DZANK1: variants seen among roughly 807,000 people sequenced by gnomAD.
DZANK1 encodes the protein double zinc ribbon and ankyrin repeat domains 1, also known as double zinc ribbon and ankyrin repeat-containing protein 1.
In DZANK1, 91 loss-of-function variants were observed where a neutral mutation model predicts 94.5. The observed-to-expected ratio is 0.96, with a 90% CI of 0.81 to 1.15. The LOEUF (loss-of-function observed/expected upper bound fraction) is 1.15, where lower values mean the gene tolerates loss of function less well. Among genes scored for constraint, DZANK1 ranks in the 50% most tolerant of loss-of-function variants. DZANK1 has a pLI of 0.00. For missense variants in DZANK1, 903 were observed against 916.4 expected (o/e 0.99, Z 0.19); for synonymous variants, 312 against 325.3 (o/e 0.96, Z 0.44).
At chr20:18,437,423 A>T (rs1440496977) in intron 8 of DZANK1, among the ~76,000 whole-genome samples, 1 of 152,088 alleles carries the variant, frequency 6.6e-6, no homozygotes, top group Non-Finnish European at 1.5e-5. Flanking sequence ...TATGAAAAAT[A>T]CAAAAATTAG....
At position 18,414,604 on chromosome 20, in the gene DZANK1, C is replaced by A. The variant is rs569664368; in HGVS notation, c.1078-92G>T. ...CCATACAAATTAACATATGCCCAGACTCTCTGACCCAGCCATTCTACCTTC... is the reference window on the plus strand; with the variant it reads ...CCATACAAATTAACATATGCCCAGAATCTCTGACCCAGCCATTCTACCTTC... On this transcript the variant is annotated intron_variant, in intron 11 of 20. Transcript: ENST00000262547. 5 of 1,408,878 alleles carry A rather than the reference C, an allele frequency of 3.5e-6. No homozygotes were observed. In the African/African-American group the frequency reaches 5.7e-5, roughly 16 times the overall value. 87.3% of individuals were successfully genotyped at this position (1,408,878 alleles called of 1,614,324 possible). A position where few individuals can be genotyped will look rare whatever the true frequency, so the allele number is the denominator to read the frequency against.
chr20:18,443,586 G>T, intron 7 of DZANK1, 122 bp from the exon 8 acceptor site: 1 of 563,492 alleles, frequency 1.8e-6, no homozygotes, highest in South Asian at 2.7e-5. Flanking sequence ...GCTCTCAATG[G>T]CTATGGAACA....
At chr20:18,383,803 T>C (rs1182254143) in exon 21 of DZANK1, 1 of 152,250 alleles carries the variant, frequency 6.6e-6, no homozygotes, top group Non-Finnish European at 1.5e-5. Flanking sequence ...TTGAACCATG[T>C]GCAATTATTA....
At chr20:18,449,091 T>C (rs778102697) in intron 6 of DZANK1, 22 bp from the exon 7 acceptor site, 15 of 1,593,952 alleles carry the variant, frequency 9.4e-6, no homozygotes, top group Non-Finnish European at 1.3e-5. Context: ...AATATAGGTA[T>C]AAAGACAGAG....
intron 3 of DZANK1, among the ~76,000 whole-genome samples, chr20:18,455,797 T>G (rs941767029): frequency 6.6e-6 from 1 of 152,198 alleles, no homozygotes; most frequent in Non-Finnish European, 1.5e-5. Flanking sequence ...TCTCCATCCC[T>G]CTGTCCCTCC....
intron 3 of DZANK1, among the ~76,000 whole-genome samples, chr20:18,457,509 G>A (rs926207065): frequency 6.6e-6 from 1 of 152,084 alleles, no homozygotes; most frequent in Non-Finnish European, 1.5e-5. Flanking sequence ...CAAACAAACA[G>A]AGGCTTAAAC....
At chr20:18,407,780 A>G (rs2057034390) in intron 13 of DZANK1, among the ~76,000 whole-genome samples, 1 of 152,266 alleles carries the variant, frequency 6.6e-6, no homozygotes, top group Non-Finnish European at 1.5e-5. Context: ...TAGAACTGAC[A>G]TGCTAAAATA....
chr20:18,458,955 C>T (rs193087511), intron 3 of DZANK1, among the ~76,000 whole-genome samples: 14 of 152,324 alleles, frequency 9.2e-5, no homozygotes, highest in Admixed American at 8.5e-4. Flanking sequence ...GAAATACTAA[C>T]AGTACCTTTC....
intron 2 of DZANK1, among the ~76,000 whole-genome samples, chr20:18,464,802 A>C (rs2059590231): frequency 6.7e-6 from 1 of 149,856 alleles, no homozygotes; most frequent in African/African-American, 2.5e-5. Flanking sequence ...CAACCTCCTG[A>C]GTTGCTAGGA....
At chr20:18,396,528 G>A (rs902525079) in exon 15 of DZANK1, 2 of 1,613,238 alleles carry the variant, frequency 1.2e-6, no homozygotes, top group Non-Finnish European at 1.7e-6. Flanking sequence ...CCATCTTCGT[G>A]GACAGTAGCA....
chr20:18,466,121 GA>G (rs996037882), intron 1 of DZANK1, among the ~76,000 whole-genome samples: 47 of 152,178 alleles, frequency 3.1e-4, no homozygotes, highest in Non-Finnish European at 3.4e-4. Context: ...GTTTCAGGGG[GA>G]AAAAACGCTC....
intron 10 of DZANK1, chr20:18,421,593 T>C (rs2057780166): frequency 6.6e-6 from 1 of 152,234 alleles, no homozygotes; most frequent in Admixed American, 6.5e-5. Context: ...AAATGAAGAA[T>C]GCCGCATTTA....
In DZANK1 at chr20:18,394,284, C is replaced by A. The variant is rs759091921; in HGVS notation, c.1678G>T (p.Gly560Trp). 3 of 1,613,806 alleles carry A rather than the reference C, an allele frequency of 1.9e-6. 1 individual carries two copies. The highest frequency in any genetic ancestry group is 1.1e-5 in the South Asian group (1 of 90,994). Residue 560 changes from glycine (G) to tryptophan (W), a missense_variant, in exon 16 of 21, where the codon GGG becomes TGG. By Grantham distance (184) the Gly-to-Trp change is radical. Transcript: ENST00000262547. ...CTGGACCTGCTGCCGCACAGCCCCC[C>A]ATCACCCTCGGCAGCACTGCTCAGA...
chr20:18,384,389 G>C (rs2048352351), exon 21 of DZANK1: 2 of 1,605,414 alleles, frequency 1.2e-6, no homozygotes, highest in Non-Finnish European at 1.7e-6. Flanking sequence ...GTCCCGTGGA[G>C]GCCTCAGGGC....
At chr20:18,445,334 T>C (rs2058840174) in intron 7 of DZANK1, among the ~76,000 whole-genome samples, 1 of 152,186 alleles carries the variant, frequency 6.6e-6, no homozygotes, top group Admixed American at 6.5e-5. Flanking sequence ...TCAAAGTACA[T>C]GAAGAAAAAC....
chr20:18,396,395 C>T, intron 15 of DZANK1, 77 bp downstream of exon 15: 2 of 1,231,918 alleles, frequency 1.6e-6, no homozygotes, highest in Non-Finnish European at 2.3e-6. Context: ...ATGGATTACA[C>T]AGAAGCATTT....
chr20:18,460,398 G>C (rs1329497094), intron 2 of DZANK1, 92 bp from the exon 3 acceptor site: 4 of 923,690 alleles, frequency 4.3e-6, no homozygotes, highest in Non-Finnish European at 6.0e-6. Flanking sequence ...CTAAGTGTGT[G>C]ATTTAAGATT....
intron 13 of DZANK1, among the ~76,000 whole-genome samples, chr20:18,403,906 T>C (rs1326635109): frequency 6.6e-6 from 1 of 151,620 alleles, no homozygotes; most frequent in Non-Finnish European, 1.5e-5. Context: ...TTTGAAAGAT[T>C]CTTTGGCCTC....
At chr20:18,415,564 TTTTTGTTTTG>T (rs3830935) in intron 10 of DZANK1, 115 bp from the exon 11 acceptor site, 5 of 1,214,174 alleles carry the variant, frequency 4.1e-6, no homozygotes, top group Admixed American at 4.1e-5. Flanking sequence ...AATAGTGTTT[TTTTTGTTTTG>T]TTTTGTTTTG....
Sources: allele counts gnomAD v4.1 joint callset (sites outside exome capture counted in the v4.1 genomes callset), GRCh38; gene constraint gnomAD v4.1.1; transcripts MANE v1.5; gene names NCBI Gene and HGNC (gene_info 2026-07-23, HGNC 2026-07-21).